BPIFC: variants seen among roughly 807,000 people sequenced by gnomAD.
BPIFC encodes BPI fold containing family C.
In BPIFC, 60 loss-of-function variants were observed where a neutral mutation model predicts 57.6. That is an observed-to-expected ratio of 1.04 (90% CI 0.85 to 1.29). The LOEUF is 1.29. BPIFC is among the 50% of genes most tolerant of loss of function. BPIFC has a pLI of 0.00. For missense variants in BPIFC, 581 were observed against 600.5 expected (o/e 0.97, Z 0.34); for synonymous variants, 243 against 224.5 (o/e 1.08, Z -0.74).
rs928944631 is a variant in BPIFC, at chr22:32,414,201, A to G, written c.*102T>C. ...AAACTTTCTGCCTAAGCAATTCACA[A>G]GGGCTTTACAATTCCAGTGTGTACT... On this transcript the variant is annotated 3_prime_UTR_variant, in exon 17 of 17. Coordinates refer to ENST00000300399, the MANE Select transcript of BPIFC (RefSeq NM_174932.3). The G allele has an allele frequency of 6.1e-6, 9 of 1,471,990 alleles. No individual in the cohort carries two copies. In the African/African-American group the frequency reaches 1.1e-4, roughly 19 times the overall value. The allele number at this position is 1,471,990 out of a possible 1,614,324, so 91.2% of individuals were successfully genotyped here. A position where few individuals can be genotyped will look rare whatever the true frequency, so the allele number is the denominator to read the frequency against.
Position 32,445,852 on chromosome 22 carries a change from G to C in BPIFC, c.519C>G (p.Ser173=). 1 of 1,613,938 alleles carries C rather than the reference G, an allele frequency of 6.2e-7. No homozygotes were observed. Among genetic ancestry groups the C allele is most frequent in the Non-Finnish European group, 8.5e-7 (1 of 1,179,992 alleles). The change falls in exon 6 of 17, where the codon TCC becomes TCG. Residue 173 remains serine (S), a synonymous_variant. Transcript: ENST00000300399. ...GGGCTCTCATTCACCTGAGTTCTCC[G>C]GAAAATGAGACGTGGGCATGGCTCA... ...AQLSHAHVSF[S]GELSVLYNSF... is the part of the protein sequence containing the mutation.
chr22:32,450,652 G>T (rs569149455), intron 4 of BPIFC, among the ~76,000 whole-genome samples: 4 of 151,694 alleles, frequency 2.6e-5, no homozygotes, highest in Non-Finnish European at 5.9e-5. Flanking sequence ...TTATACTCAT[G>T]ATACACCTCA....
intron 7 of BPIFC, among the ~76,000 whole-genome samples, chr22:32,444,873 G>A (rs1248339821): frequency 1.3e-5 from 2 of 152,110 alleles, no homozygotes; most frequent in Non-Finnish European, 2.9e-5. Flanking sequence ...TAATGATCGT[G>A]TAACTGTATA....
intron 7 of BPIFC, among the ~76,000 whole-genome samples, chr22:32,443,995 A>T (rs1934642957): frequency 6.6e-6 from 1 of 152,032 alleles, no homozygotes; most frequent in Admixed American, 6.6e-5. Flanking sequence ...CGGGATTTGA[A>T]CTCAGTTTAC....
rs1367838357 is a variant in BPIFC at position 32,445,906 on chromosome 22, G to A, written c.465C>T (p.Thr155=). Reference sequence around the variant, plus strand: ...GGGCGTAGCAATCTTGGAGCTTCAGGGTAGGATGACCAAAGTCATTTCGGG... The same window carrying A: ...GGGCGTAGCAATCTTGGAGCTTCAGAGTAGGATGACCAAAGTCATTTCGGG... ...ILTRNDFGHP[T]LKLQDCYAQL... is the part of the protein sequence containing the mutation. The change falls in exon 6 of 17, where the codon ACC becomes ACT. Residue 155 remains threonine, a synonymous_variant. Coordinates refer to ENST00000300399, the MANE Select transcript of BPIFC (RefSeq NM_174932.3). The A allele has an allele frequency of 6.2e-7, 1 of 1,613,912 alleles. No homozygotes were observed. Among genetic ancestry groups the A allele is most frequent in the Non-Finnish European group, 8.5e-7 (1 of 1,180,036 alleles).
chr22:32,459,544 T>C lies in BPIFC; in HGVS notation c.-1+2030A>G, dbSNP rs1033759427. Among the ~76,000 whole-genome samples the C allele has an allele frequency of 2.0e-5, 3 of 151,980 alleles. No individual in the cohort carries two copies. In the South Asian group the frequency reaches 6.2e-4, roughly 32 times the overall value. ...TGGGTGTGGTGGCGGGCGCTTGTAG[T>C]CCCAGCTACTCGGGACGCTGAGGCA... On this transcript the variant is annotated intron_variant, in intron 2 of 16. Transcript: ENST00000300399.
At chr22:32,414,533 A>G in intron 16 of BPIFC, 108 bp from the exon 17 acceptor site, 1 of 1,366,862 alleles carries the variant, frequency 7.3e-7, no homozygotes, top group Non-Finnish European at 9.8e-7. Flanking sequence ...TAATTTTGAG[A>G]TGGAGTCTCA....
intron 2 of BPIFC, among the ~76,000 whole-genome samples, chr22:32,459,663 CAAAAATA>C (rs1311224875): frequency 8.0e-5 from 12 of 149,730 alleles, no homozygotes; most frequent in Non-Finnish European, 4.5e-5. Flanking sequence ...ACTCCATTTC[CAAAAATA>C]AAAAATAAAA....
At chr22:32,436,016 T>A in intron 9 of BPIFC, 136 bp from the exon 10 acceptor site, 1 of 922,626 alleles carries the variant, frequency 1.1e-6, no homozygotes, top group Non-Finnish European at 1.6e-6. Flanking sequence ...ACGCCTATAA[T>A]CCCAACACTT....
intron 1 of BPIFC, among the ~76,000 whole-genome samples, chr22:32,462,414 T>C (rs911441414): frequency 2.6e-5 from 4 of 151,764 alleles, no homozygotes; most frequent in African/African-American, 9.7e-5. Context: ...GTTCTACAAA[T>C]GGTTAGAAAA....
chr22:32,452,363 G>T (rs1181367277), intron 4 of BPIFC, among the ~76,000 whole-genome samples: 3 of 152,168 alleles, frequency 2.0e-5, no homozygotes, highest in Admixed American at 2.0e-4. Flanking sequence ...TGGGCTGGGC[G>T]TGGTGGCTCA....
chr22:32,463,577 A>G (rs1192680366), intron 1 of BPIFC, among the ~76,000 whole-genome samples: 1 of 152,196 alleles, frequency 6.6e-6, no homozygotes, highest in Non-Finnish European at 1.5e-5. Context: ...CTGACTCTGG[A>G]AAAACCGATT....
At chr22:32,424,642 C>CT (rs1556036523) in intron 13 of BPIFC, among the ~76,000 whole-genome samples, 466 of 28,692 alleles carry the variant, frequency 0.016, 86 homozygotes, top group African/African-American at 0.024. Context: ...TCTTCTTCTT[C>CT]TCTTCTTCTT....
chr22:32,427,672 C>T (rs980299890), intron 13 of BPIFC, among the ~76,000 whole-genome samples: 3 of 152,176 alleles, frequency 2.0e-5, no homozygotes, highest in Non-Finnish European at 4.4e-5. Context: ...TCCTTCCCCC[C>T]TCACCCTCAT....
chr22:32,430,556 T>C (rs149739592), intron 13 of BPIFC, among the ~76,000 whole-genome samples: 12,995 of 144,022 alleles, frequency 0.09, 645 homozygotes, highest in Middle Eastern at 0.17. Context: ...TTTATATAAA[T>C]ATAAAAATAT....
intron 2 of BPIFC, among the ~76,000 whole-genome samples, chr22:32,459,213 T>C (rs5749441): frequency 0.44 from 66,899 of 152,044 alleles, 15,407 homozygotes; most frequent in South Asian, 0.58. Context: ...CCCAGGAAGG[T>C]GACCTTGTGG....
intron 13 of BPIFC, among the ~76,000 whole-genome samples, chr22:32,420,948 C>A (rs1410915507): frequency 6.6e-6 from 1 of 152,158 alleles, no homozygotes; most frequent in Non-Finnish European, 1.5e-5. Flanking sequence ...CCTAGCATAT[C>A]CTTATCACTC....
At chr22:32,459,364 A>G (rs1935110575) in intron 2 of BPIFC, among the ~76,000 whole-genome samples, 2 of 152,172 alleles carry the variant, frequency 1.3e-5, no homozygotes, top group African/African-American at 4.8e-5. Flanking sequence ...CCCCATCTCT[A>G]CAAAAAATAA....
intron 13 of BPIFC, 74 bp downstream of exon 13, chr22:32,431,273 A>G (rs1298098718): frequency 2.3e-6 from 3 of 1,295,022 alleles, no homozygotes; most frequent in Admixed American, 3.7e-5. Context: ...TGTTTTCTTA[A>G]TGGTCACTTT....
Sources: allele counts gnomAD v4.1 joint callset (sites outside exome capture counted in the v4.1 genomes callset), GRCh38; gene constraint gnomAD v4.1.1; transcripts MANE v1.5; gene names NCBI Gene and HGNC (gene_info 2026-07-23, HGNC 2026-07-21).